The following TBCK variants were observed in gnomAD, a reference collection of about 807,000 sequenced individuals.
TBCK encodes the protein TBC1 domain containing kinase.
Under a neutral mutation model 113.4 loss-of-function variants are expected in TBCK, and 99 were observed. The observed-to-expected ratio is 0.87, with a 90% CI of 0.74 to 1.03. The LOEUF (loss-of-function observed/expected upper bound fraction) is 1.03. Among genes scored for constraint, TBCK ranks in the 50% least tolerant of loss-of-function variants. The pLI, the probability that TBCK is intolerant of heterozygous loss-of-function variation, is 0.00. For synonymous variants in TBCK, 369 were observed against 370.8 expected (o/e 1.00, Z 0.05); for missense variants, 1,045 against 1,061.3 (o/e 0.98, Z 0.21).
intron 24 of TBCK, among the ~76,000 whole-genome samples, chr4:106,111,657 C>A (rs1252131193): frequency 6.6e-6 from 1 of 152,180 alleles, no homozygotes; most frequent in Non-Finnish European, 1.5e-5. Flanking sequence ...AGAGCTAGTA[C>A]TTTTCAAGTC....
chr4:106,160,981 T>C (rs1579085666), intron 23 of TBCK, among the ~76,000 whole-genome samples: 1 of 151,930 alleles, frequency 6.6e-6, no homozygotes, highest in East Asian at 1.9e-4. Flanking sequence ...TCCAACTCTA[T>C]GAGGTACTTA....
At chr4:106,268,714 C>T (rs2150122904) in intron 3 of TBCK, among the ~76,000 whole-genome samples, 1 of 152,144 alleles carries the variant, frequency 6.6e-6, no homozygotes, top group Middle Eastern at 3.4e-3. Context: ...TAATATCTGT[C>T]TAAAACTGTA....
chr4:106,300,194 G>C (rs1174231289), intron 2 of TBCK, among the ~76,000 whole-genome samples: 1 of 152,178 alleles, frequency 6.6e-6, no homozygotes, highest in African/African-American at 2.4e-5. Context: ...ATGAATGTGA[G>C]GCCCCACCAG....
chr4:106,062,933 AG>A (rs1736210487), intron 25 of TBCK, among the ~76,000 whole-genome samples: 1 of 151,946 alleles, frequency 6.6e-6, no homozygotes, highest in Non-Finnish European at 1.5e-5. Flanking sequence ...AGGTGTATTA[AG>A]GCCCTCTTCA....
intron 19 of TBCK, among the ~76,000 whole-genome samples, chr4:106,225,215 C>A (rs919982666): frequency 6.6e-6 from 1 of 151,778 alleles, no homozygotes; most frequent in Non-Finnish European, 1.5e-5. Flanking sequence ...ATTTAAAACA[C>A]CTTGTCTATT....
At chr4:106,076,138 CCTGGCAGTGGCAGCTCAGGTGCT>C (rs1431030731) in intron 25 of TBCK, among the ~76,000 whole-genome samples, 3 of 152,170 alleles carry the variant, frequency 2.0e-5, no homozygotes, top group Non-Finnish European at 2.9e-5. Context: ...AGGTAGGTGC[CCTGGCAGTGGCAGCTCAGGTGCT>C]GTGGGTAGGA....
intron 23 of TBCK, among the ~76,000 whole-genome samples, chr4:106,122,513 T>C (rs1744554297): frequency 6.6e-6 from 1 of 152,184 alleles, no homozygotes; most frequent in Non-Finnish European, 1.5e-5. Context: ...GAATCCTCCC[T>C]AACTCATTTT....
At position 106,116,191 on chromosome 4, in the gene TBCK, T is replaced by C. The variant is rs73836992; in HGVS notation, c.2411+12A>G. 9 of 1,613,454 alleles carry C rather than the reference T, an allele frequency of 5.6e-6. No homozygotes were observed. In the South Asian group the frequency reaches 9.9e-5, roughly 18 times the overall value. ...CAGTACCACCCTTTAAAACAGCATA[T>C]GCAAAGGATACTCTTCACTATTCCG... is the stretch of plus-strand genomic sequence containing the variant. On this transcript the variant is annotated intron_variant, in intron 24 of 25. Transcript: ENST00000394708.
intron 23 of TBCK, among the ~76,000 whole-genome samples, chr4:106,120,082 A>G (rs1312494057): frequency 2.0e-5 from 3 of 152,178 alleles, no homozygotes; most frequent in Non-Finnish European, 4.4e-5. Context: ...AGAGTGCCAG[A>G]CAGTGGGCGC....
rs182579522 is a variant in TBCK at position 106,229,648 on chromosome 4, T to C, written c.1774+715A>G. Among the ~76,000 whole-genome samples, 763 of 152,184 alleles carry C rather than the reference T, an allele frequency of 5.0e-3. 4 individuals are homozygous for C. Among genetic ancestry groups the C allele is most frequent in the African/African-American group, 0.018 (734 of 41,562 alleles). On this transcript the variant is annotated intron_variant, in intron 19 of 25. Coordinates refer to ENST00000394708, the MANE Select transcript of TBCK (RefSeq NM_001163435.3). Reference sequence around the variant, plus strand: ...CATTTTGTTTCAGTTACTATAGCTCTGTAGTATAATTTGAAGTCAGATAAT... The same window carrying C: ...CATTTTGTTTCAGTTACTATAGCTCCGTAGTATAATTTGAAGTCAGATAAT...
At chr4:106,180,547 G>A (rs546780741) in intron 22 of TBCK, among the ~76,000 whole-genome samples, 19 of 151,546 alleles carry the variant, frequency 1.3e-4, no homozygotes, top group South Asian at 8.4e-4. Flanking sequence ...CCCCCACCCC[G>A]CACAGGCCCC....
intron 25 of TBCK, among the ~76,000 whole-genome samples, chr4:106,063,056 A>G (rs1056906472): frequency 1.1e-4 from 17 of 152,008 alleles, no homozygotes; most frequent in Admixed American, 1.1e-3. Flanking sequence ...CACTTAACAA[A>G]TCAGAGTTAT....
At chr4:106,148,435 C>T (rs1748087723) in intron 23 of TBCK, among the ~76,000 whole-genome samples, 1 of 152,158 alleles carries the variant, frequency 6.6e-6, no homozygotes, top group South Asian at 2.1e-4. Flanking sequence ...CTCAAACCAG[C>T]TGACGCTTAG....
At chr4:106,049,035 G>C (rs1427328907) in intron 25 of TBCK, among the ~76,000 whole-genome samples, 8 of 152,150 alleles carry the variant, frequency 5.3e-5, no homozygotes, top group African/African-American at 1.9e-4. Context: ...TTTCACATAA[G>C]ATTATGAGTT....
intron 11 of TBCK, 40 bp downstream of exon 11, chr4:106,244,586 T>C (rs1231185729): frequency 9.6e-6 from 14 of 1,457,908 alleles, no homozygotes; most frequent in Admixed American, 2.4e-5. Context: ...TTACCATGTA[T>C]TTATTTATTT....
At chr4:106,079,169 T>C (rs1054272519) in intron 25 of TBCK, among the ~76,000 whole-genome samples, 2 of 152,104 alleles carry the variant, frequency 1.3e-5, no homozygotes, top group Non-Finnish European at 2.9e-5. Flanking sequence ...CAAAAAAACA[T>C]ACCTCAAAAT....
intron 5 of TBCK, among the ~76,000 whole-genome samples, chr4:106,252,936 G>A (rs1386943200): frequency 6.6e-5 from 10 of 151,984 alleles, no homozygotes; most frequent in Non-Finnish European, 1.5e-4. Context: ...TTGAAAACCG[G>A]TTTAGCAAAT....
At position 106,225,936 on chromosome 4, in the gene TBCK, C is replaced by A. The variant is rs552569543; in HGVS notation, c.1774+4427G>T. 2.0e-5 allele frequency among the ~76,000 whole-genome samples: 3 copies of A among 151,994 alleles called. No individual in the cohort carries two copies. The East Asian group carries it at 5.8e-4, about 29-fold the overall frequency. On this transcript the variant is annotated intron_variant, in intron 19 of 25. Coordinates refer to ENST00000394708, the MANE Select transcript of TBCK (RefSeq NM_001163435.3). The stretch of plus-strand genomic sequence containing the variant: ...CAGCACTTTGGGAGGGAGAGGTGAG[C>A]GAATGGCTTGAGCTCCTGAGTTTGA...
chr4:106,088,884 C>T (rs1004772667), intron 25 of TBCK, among the ~76,000 whole-genome samples: 3 of 152,082 alleles, frequency 2.0e-5, no homozygotes, highest in Admixed American at 6.5e-5. Flanking sequence ...ACATTGAGAA[C>T]ACATGGACAC....
Sources: allele counts gnomAD v4.1 joint callset (sites outside exome capture counted in the v4.1 genomes callset), GRCh38; gene constraint gnomAD v4.1.1; transcripts MANE v1.5; gene names NCBI Gene and HGNC (gene_info 2026-07-23, HGNC 2026-07-21).